FRMD6: variants seen among roughly 807,000 people sequenced by gnomAD.
FRMD6 encodes FERM domain containing 6, also known as FERM domain-containing protein 6.
FRMD6 carries 37 observed loss-of-function variants against 73.2 expected under a neutral mutation model. That is an observed-to-expected ratio of 0.51 (90% CI 0.39 to 0.66). FRMD6 has a LOEUF of 0.66. Among genes scored for constraint, FRMD6 ranks in the 30% least tolerant of loss-of-function variants. The pLI, the probability that FRMD6 is intolerant of heterozygous loss-of-function variation, is 0.00. For missense variants in FRMD6, 714 were observed against 780.5 expected (o/e 0.91, Z 1.02); for synonymous variants, 273 against 282.2 (o/e 0.97, Z 0.33).
At chr14:51,492,984 A>T (rs1014619313) in intron 1 of FRMD6, among the ~76,000 whole-genome samples, 1 of 152,148 alleles carries the variant, frequency 6.6e-6, no homozygotes, top group Non-Finnish European at 1.5e-5. Context: ...GGTTCATCTC[A>T]TTTAATCTTC....
the FRMD6 span, among the ~76,000 whole-genome samples, chr14:51,412,308 T>G: frequency 7.2e-5 from 11 of 152,226 alleles, no homozygotes; most frequent in Non-Finnish European, 2.9e-5. Flanking sequence ...TAATTTTGTT[T>G]GGACTGTCAT....
rs542556067 is a variant in FRMD6 at position 51,576,076 on chromosome 14, ACCAGAGCAG to A, written c.-147+5669_-147+5677del. On this transcript the variant is annotated intron_variant, in intron 2 of 14. Coordinates refer to the FRMD6 transcript ENST00000356218. The stretch of plus-strand genomic sequence containing the variant: ...CAAAGGGCAGCCTGAACAATCAAGA[ACCAGAGCAG>A]CCCTGGCACCCGACACCCAGGAGAG... The A allele has an allele frequency of 4.8e-3, 738 of 152,408 alleles. 6 individuals carry two copies. Among genetic ancestry groups the A allele is most frequent in the Non-Finnish European group, 6.6e-3 (451 of 68,158 alleles). The allele number at this position is 152,408 out of a possible 1,614,324, so 9.4% of individuals were successfully genotyped here. A position where few individuals can be genotyped will look rare whatever the true frequency, so the allele number is the denominator to read the frequency against.
At chr14:51,713,453 C>T (rs549027508) in intron 9 of FRMD6, among the ~76,000 whole-genome samples, 1 of 105,230 alleles carries the variant, frequency 9.5e-6, no homozygotes, top group Non-Finnish European at 2.1e-5. Context: ...AGTGCAACTC[C>T]ATCTCAAAAA....
chr14:51,415,502 C>G, the FRMD6 span, among the ~76,000 whole-genome samples: 4 of 152,290 alleles, frequency 2.6e-5, no homozygotes, highest in South Asian at 2.1e-4. Flanking sequence ...AGGGATGAAG[C>G]TGACTTGATT....
the FRMD6 span, among the ~76,000 whole-genome samples, chr14:51,471,497 T>C: frequency 7.0e-6 from 1 of 142,776 alleles, no homozygotes. Context: ...CCAGACTCCG[T>C]CTCGAAAAAA....
At chr14:51,511,870 T>TATA (rs147559656) in intron 1 of FRMD6, among the ~76,000 whole-genome samples, 8,230 of 150,270 alleles carry the variant, frequency 0.055, 437 homozygotes, top group African/African-American at 0.13. Context: ...GAACTTAAAG[T>TATA]ATAATAATAA....
intron 2 of FRMD6, among the ~76,000 whole-genome samples, chr14:51,573,989 C>T (rs1465293915): frequency 1.3e-5 from 2 of 152,120 alleles, no homozygotes; most frequent in East Asian, 3.9e-4. Context: ...AATTCATCAC[C>T]CTCTTCAACC....
the FRMD6 span, among the ~76,000 whole-genome samples, chr14:51,471,796 A>T: frequency 6.6e-6 from 1 of 152,214 alleles, no homozygotes; most frequent in South Asian, 2.1e-4. Flanking sequence ...AACAGAGTTT[A>T]AAAAAAGAAG....
intron 2 of FRMD6, among the ~76,000 whole-genome samples, chr14:51,579,635 T>A (rs1040917637): frequency 6.6e-6 from 1 of 152,218 alleles, no homozygotes. Context: ...GAACAATTTG[T>A]CAAATGAATG....
At chr14:51,436,472 C>G in the FRMD6 span, 2 of 607,562 alleles carry the variant, frequency 3.3e-6, no homozygotes, top group Non-Finnish European at 5.8e-6. Context: ...AAAATCCTTA[C>G]TTTGGAAATA....
intron 1 of FRMD6, among the ~76,000 whole-genome samples, chr14:51,670,989 T>C (rs1462340350): frequency 6.6e-6 from 1 of 152,246 alleles, no homozygotes; most frequent in Non-Finnish European, 1.5e-5. Flanking sequence ...TTTTATCAGC[T>C]GTTTTTCTGC....
the FRMD6 span, among the ~76,000 whole-genome samples, chr14:51,481,605 C>G: frequency 1.4e-4 from 22 of 152,356 alleles, no homozygotes; most frequent in African/African-American, 4.3e-4. Flanking sequence ...ACACAGACAC[C>G]TCACCTAAGT....
chr14:51,421,689 C>A, the FRMD6 span, among the ~76,000 whole-genome samples: 5 of 152,230 alleles, frequency 3.3e-5, no homozygotes, highest in Admixed American at 1.3e-4. Context: ...CATGATAGAG[C>A]AAGCTGGGCA....
the FRMD6 span, among the ~76,000 whole-genome samples, chr14:51,417,055 C>T: frequency 0.083 from 12,670 of 152,110 alleles, 743 homozygotes; most frequent in Middle Eastern, 0.13. Flanking sequence ...TGTCTCTGCA[C>T]GTGAGATGGG....
intron 1 of FRMD6, among the ~76,000 whole-genome samples, chr14:51,680,602 T>A (rs1376574013): frequency 6.6e-6 from 1 of 152,054 alleles, no homozygotes; most frequent in South Asian, 2.1e-4. Context: ...AGAATACTTA[T>A]GATCTTTTTC....
chr14:51,485,464 C>G (rs1405565433), upstream of FRMD6, among the ~76,000 whole-genome samples: 1 of 152,194 alleles, frequency 6.6e-6, no homozygotes, highest in Non-Finnish European at 1.5e-5. Flanking sequence ...GAACACTATT[C>G]AACCCACTAT....
the FRMD6 span, among the ~76,000 whole-genome samples, chr14:51,453,008 T>C: frequency 7.2e-5 from 11 of 151,974 alleles, no homozygotes; most frequent in Non-Finnish European, 1.5e-4. Flanking sequence ...AGACAGTGAG[T>C]TCAGTCTAAT....
At chr14:51,650,719 A>T (rs1235287757), upstream of FRMD6, 3 of 152,346 alleles carry the variant, frequency 2.0e-5, no homozygotes, top group Non-Finnish European at 4.4e-5. Context: ...GACTTCTGAG[A>T]GCATCAGATT....
chr14:51,444,259 C>T, the FRMD6 span, among the ~76,000 whole-genome samples: 2 of 152,168 alleles, frequency 1.3e-5, no homozygotes, highest in Non-Finnish European at 2.9e-5. Context: ...GTAAGTTTTT[C>T]CTGGTGAGTG....
Sources: gnomAD v4.1 joint callset for allele counts (sites outside exome capture counted in the v4.1 genomes callset) on GRCh38, gnomAD v4.1.1 for gene constraint, MANE v1.5 for transcripts, NCBI Gene and HGNC (gene_info 2026-07-23, HGNC 2026-07-21) for gene names.